The following TRPM3 variants were observed in gnomAD, a reference collection of about 807,000 sequenced individuals.
TRPM3 encodes the protein transient receptor potential cation channel subfamily M member 3.
A neutral mutation model predicts 181.2 loss-of-function variants in TRPM3; 77 were observed. The observed-to-expected ratio is 0.42, with a 90% CI of 0.35 to 0.51. TRPM3 has a LOEUF of 0.51. Ranked by LOEUF, TRPM3 falls within the 20% of genes least tolerant of loss-of-function variation. The pLI is 0.01. For missense variants in TRPM3, 1,759 were observed against 2,196.7 expected (o/e 0.80, Z 3.98); for synonymous variants, 745 against 796.4 (o/e 0.94, Z 1.09).
intron 1 of TRPM3, among the ~76,000 whole-genome samples, chr9:71,374,183 C>T (rs1588717261): frequency 6.6e-6 from 1 of 152,200 alleles, no homozygotes; most frequent in East Asian, 1.9e-4. Flanking sequence ...CGAGACCAGC[C>T]TGGCCCATGG....
At chr9:71,048,647 G>C (rs2059731363) in intron 1 of TRPM3, among the ~76,000 whole-genome samples, 1 of 152,154 alleles carries the variant, frequency 6.6e-6, no homozygotes, top group African/African-American at 2.4e-5. Context: ...CACCCCATTT[G>C]ATTCTATGAT....
chr9:70,621,370 T>C, intron 14 of TRPM3, 97 bp from the exon 15 acceptor site: 1 of 954,956 alleles, frequency 1.0e-6, no homozygotes. Context: ...TTTTGTTTTG[T>C]TTTGTTTTTA....
At chr9:71,146,621 C>T (rs1393889541) in intron 1 of TRPM3, among the ~76,000 whole-genome samples, 2 of 152,098 alleles carry the variant, frequency 1.3e-5, no homozygotes, top group African/African-American at 4.8e-5. Context: ...CCTTCTTCTC[C>T]ATTCTTCTGG....
At chr9:71,194,535 T>C (rs960494205) in intron 1 of TRPM3, among the ~76,000 whole-genome samples, 3 of 151,740 alleles carry the variant, frequency 2.0e-5, no homozygotes, top group African/African-American at 7.3e-5. Flanking sequence ...CGTAAAAAGA[T>C]GACAGTAAAA....
intron 1 of TRPM3, among the ~76,000 whole-genome samples, chr9:71,442,053 C>T (rs1457852232): frequency 6.6e-6 from 1 of 152,202 alleles, no homozygotes; most frequent in Non-Finnish European, 1.5e-5. Context: ...TTGTGGATCC[C>T]TCCTGCACGC....
chr9:70,956,221 C>G (rs998647831), intron 1 of TRPM3, among the ~76,000 whole-genome samples: 20 of 149,196 alleles, frequency 1.3e-4, no homozygotes, highest in East Asian at 2.0e-4. Context: ...AGAGCTTGGA[C>G]AGTTCTTAGG....
At chr9:71,232,659 C>T (rs575483774) in intron 1 of TRPM3, among the ~76,000 whole-genome samples, 1 of 152,014 alleles carries the variant, frequency 6.6e-6, no homozygotes, top group African/African-American at 2.4e-5. Context: ...TGCCACCACA[C>T]CCAGCTAATT....
intron 1 of TRPM3, among the ~76,000 whole-genome samples, chr9:71,008,778 G>C (rs1254985023): frequency 6.6e-6 from 1 of 152,224 alleles, no homozygotes; most frequent in Non-Finnish European, 1.5e-5. Context: ...CCAGGAGGCG[G>C]AGGTTGCAGT....
At chr9:70,830,510 C>T (rs1187803707) in intron 5 of TRPM3, among the ~76,000 whole-genome samples, 1 of 152,088 alleles carries the variant, frequency 6.6e-6, no homozygotes, top group African/African-American at 2.4e-5. Context: ...TCTTACTGAT[C>T]CCTATTTCTT....
At chr9:70,958,825 C>CCAT (rs1037548086) in intron 1 of TRPM3, among the ~76,000 whole-genome samples, 3 of 151,370 alleles carry the variant, frequency 2.0e-5, no homozygotes, top group African/African-American at 7.3e-5. Flanking sequence ...TACTATGTAG[C>CCAT]CATAAAAAAT....
chr9:71,442,294 T>C (rs1563937201), intron 1 of TRPM3, among the ~76,000 whole-genome samples: 1 of 152,234 alleles, frequency 6.6e-6, no homozygotes, highest in Non-Finnish European at 1.5e-5. Context: ...ACAACTCTAA[T>C]TACACCTCCA....
At chr9:70,690,338 A>G (rs1267255345) in intron 8 of TRPM3, among the ~76,000 whole-genome samples, 1 of 152,192 alleles carries the variant, frequency 6.6e-6, no homozygotes, top group Non-Finnish European at 1.5e-5. Flanking sequence ...CAGTCTGCCT[A>G]TAATCATGTT....
intron 1 of TRPM3, among the ~76,000 whole-genome samples, chr9:71,382,650 A>G (rs1021045141): frequency 3.3e-5 from 5 of 151,988 alleles, no homozygotes; most frequent in Non-Finnish European, 7.4e-5. Context: ...TTTTTAAAAA[A>G]GAAGCGAAGA....
At chr9:71,011,674 C>CA (rs1564967758) in intron 1 of TRPM3, among the ~76,000 whole-genome samples, 2 of 149,362 alleles carry the variant, frequency 1.3e-5, no homozygotes, top group African/African-American at 2.5e-5. Context: ...TTATTTTATG[C>CA]AAAATTTATA....
At chr9:71,150,227 A>T (rs1037120476) in intron 1 of TRPM3, among the ~76,000 whole-genome samples, 1 of 152,076 alleles carries the variant, frequency 6.6e-6, no homozygotes, top group Admixed American at 6.6e-5. Flanking sequence ...CATATACACA[A>T]TGAGAAGGGG....
chr9:71,159,792 T>TA lies in TRPM3; in HGVS notation c.183+286860dup, dbSNP rs1321714956. ...TATTTCAGAGATTTATGAGGTTGAA[T>TA]AAAAAATTTTAAATCATGTGGAGAT... On this transcript the variant is annotated intron_variant, in intron 1 of 24. Coordinates refer to the TRPM3 transcript ENST00000357533. Among the ~76,000 whole-genome samples the TA allele has an allele frequency of 6.6e-5, 10 of 152,238 alleles. No individual in the cohort carries two copies. The South Asian group carries it at 2.1e-3, about 32-fold the overall frequency.
chr9:70,840,154 C>A (rs1459219697), intron 5 of TRPM3, among the ~76,000 whole-genome samples: 2 of 152,066 alleles, frequency 1.3e-5, no homozygotes, highest in Non-Finnish European at 2.9e-5. Context: ...TGTCATAAAT[C>A]CTGTACACCA....
At chr9:71,032,120 T>TA (rs1456697910) in intron 1 of TRPM3, among the ~76,000 whole-genome samples, 99 of 106,660 alleles carry the variant, frequency 9.3e-4, no homozygotes, top group Non-Finnish European at 1.4e-3. Flanking sequence ...TTATATTATA[T>TA]ATATTAACCT....
intron 1 of TRPM3, among the ~76,000 whole-genome samples, chr9:71,094,759 A>C (rs1269689922): frequency 6.6e-6 from 1 of 152,200 alleles, no homozygotes; most frequent in Non-Finnish European, 1.5e-5. Context: ...TCTGTGGTAC[A>C]TCAGATATTA....
Sources: allele counts gnomAD v4.1 joint callset (sites outside exome capture counted in the v4.1 genomes callset), GRCh38; gene constraint gnomAD v4.1.1; transcripts MANE v1.5; gene names NCBI Gene and HGNC (gene_info 2026-07-23, HGNC 2026-07-21).